VTI1A: variants seen among roughly 807,000 people sequenced by gnomAD.
VTI1A encodes the protein vesicle transport through interaction with t-SNAREs 1A.
VTI1A carries 22 observed loss-of-function variants against 34.9 expected under a neutral mutation model. The observed-to-expected ratio is 0.63, with a 90% CI of 0.45 to 0.90. The LOEUF (loss-of-function observed/expected upper bound fraction) is 0.90, where lower values mean the gene tolerates loss of function less well. Ranked by LOEUF, VTI1A falls within the 40% of genes least tolerant of loss-of-function variation. The pLI, the probability that VTI1A is intolerant of heterozygous loss-of-function variation, is 0.00. For synonymous variants in VTI1A, 87 were observed against 97.3 expected, an observed-to-expected ratio of 0.89 and a Z score of 0.62; for missense variants, 268 against 275.6, an observed-to-expected ratio of 0.97 and a Z score of 0.20.
chr10:112,745,279 G>A (rs537419451), intron 7 of VTI1A, among the ~76,000 whole-genome samples: 4 of 151,802 alleles, frequency 2.6e-5, no homozygotes, highest in Non-Finnish European at 4.4e-5. Flanking sequence ...CTTTGGCTCT[G>A]TGGTTCAGTA....
chr10:112,835,230 C>T, the VTI1A span, among the ~76,000 whole-genome samples: 4 of 152,154 alleles, frequency 2.6e-5, no homozygotes, highest in African/African-American at 9.7e-5. Flanking sequence ...CACGGAGCCC[C>T]AGAATGTCGC....
chr10:112,590,097 C>T (rs1306727126), intron 5 of VTI1A, among the ~76,000 whole-genome samples: 2 of 152,122 alleles, frequency 1.3e-5, no homozygotes, highest in African/African-American at 4.8e-5. Flanking sequence ...ACATGGTTTA[C>T]TCTTCTACCC....
chr10:112,448,334 C>T (rs994406684), intron 1 of VTI1A: 1 of 152,136 alleles, frequency 6.6e-6, no homozygotes, highest in East Asian at 1.9e-4. Flanking sequence ...AATTTCACAT[C>T]TCCCATCTGG....
chr10:112,636,684 G>A (rs1846363383), intron 5 of VTI1A, among the ~76,000 whole-genome samples: 1 of 142,452 alleles, frequency 7.0e-6, no homozygotes, highest in Admixed American at 7.4e-5. Context: ...AGCTGAGATT[G>A]CACCACTGCA....
At chr10:112,659,995 A>T (rs977833489) in intron 5 of VTI1A, among the ~76,000 whole-genome samples, 1 of 152,216 alleles carries the variant, frequency 6.6e-6, no homozygotes, top group Non-Finnish European at 1.5e-5. Context: ...TGGGTTTTTT[A>T]AAACGTTATT....
intron 1 of VTI1A, among the ~76,000 whole-genome samples, chr10:112,452,690 A>AT (rs34299289): frequency 0.3 from 45,648 of 151,254 alleles, 7,032 homozygotes; most frequent in African/African-American, 0.37. Context: ...TTGTCTATAT[A>AT]TTGGTCAATT....
intron 7 of VTI1A, among the ~76,000 whole-genome samples, chr10:112,811,083 A>G (rs1564934665): frequency 6.6e-6 from 1 of 152,194 alleles, no homozygotes; most frequent in Non-Finnish European, 1.5e-5. Flanking sequence ...ACTCAGGGTA[A>G]AAGAGCTTAT....
intron 7 of VTI1A, among the ~76,000 whole-genome samples, chr10:112,686,649 G>T (rs1174725288): frequency 6.6e-6 from 1 of 152,158 alleles, no homozygotes; most frequent in Non-Finnish European, 1.5e-5. Flanking sequence ...AGTGAGGCAG[G>T]ATTTCGGGGG....
intron 5 of VTI1A, among the ~76,000 whole-genome samples, chr10:112,596,134 G>A (rs982517277): frequency 6.7e-6 from 1 of 150,360 alleles, no homozygotes; most frequent in Non-Finnish European, 1.5e-5. Context: ...GACACAGGAA[G>A]GGGAACATCA....
intron 3 of VTI1A, among the ~76,000 whole-genome samples, chr10:112,504,412 A>G (rs924403181): frequency 1.6e-4 from 25 of 152,188 alleles, no homozygotes; most frequent in African/African-American, 5.8e-4. Context: ...CACGAAAGAC[A>G]GCATATGCTA....
chr10:112,652,517 T>C (rs1379274498), intron 5 of VTI1A, among the ~76,000 whole-genome samples: 1 of 151,938 alleles, frequency 6.6e-6, no homozygotes. Context: ...GCCCAGGAGT[T>C]TGAGACCAGC....
intron 5 of VTI1A, among the ~76,000 whole-genome samples, chr10:112,588,781 C>T (rs1317251638): frequency 6.6e-6 from 1 of 152,178 alleles, no homozygotes; most frequent in East Asian, 1.9e-4. Context: ...GTGTTCAACA[C>T]TTTCTCTTTC....
intron 7 of VTI1A, among the ~76,000 whole-genome samples, chr10:112,709,682 C>CCTTTTTTTTTT (rs557189298): frequency 1.4e-5 from 1 of 70,256 alleles, no homozygotes; most frequent in African/African-American, 6.5e-5. Flanking sequence ...CTCTATGTGG[C>CCTTTTTTTTTT]TTTTTTTTTT....
chr10:112,608,540 T>A (rs1330235979), intron 5 of VTI1A, among the ~76,000 whole-genome samples: 1 of 152,174 alleles, frequency 6.6e-6, no homozygotes, highest in Non-Finnish European at 1.5e-5. Flanking sequence ...TGTGGGCAAA[T>A]ATATCTAATC....
intron 7 of VTI1A, among the ~76,000 whole-genome samples, chr10:112,719,453 A>G (rs567389673): frequency 1.3e-5 from 2 of 152,120 alleles, no homozygotes; most frequent in Non-Finnish European, 2.9e-5. Context: ...GATATAATTT[A>G]TATGTTATAT....
intron 7 of VTI1A, among the ~76,000 whole-genome samples, chr10:112,715,319 A>G (rs1849569108): frequency 6.6e-6 from 1 of 152,226 alleles, no homozygotes; most frequent in South Asian, 2.1e-4. Context: ...GAGGAGAGAG[A>G]GAATCCCAAG....
At chr10:112,503,014 A>T (rs111936498) in intron 3 of VTI1A, among the ~76,000 whole-genome samples, 10,463 of 152,180 alleles carry the variant, frequency 0.069, 616 homozygotes, top group East Asian at 0.28. Flanking sequence ...TACATAATAG[A>T]TGTACATATT....
At chr10:112,606,506 T>G (rs1465462938) in intron 5 of VTI1A, among the ~76,000 whole-genome samples, 4 of 152,198 alleles carry the variant, frequency 2.6e-5, no homozygotes, top group Non-Finnish European at 5.9e-5. Context: ...CATAAGACAG[T>G]TATGAGCTGT....
chr10:112,744,136 G>A (rs1332795012), intron 7 of VTI1A, among the ~76,000 whole-genome samples: 1 of 152,054 alleles, frequency 6.6e-6, no homozygotes, highest in Non-Finnish European at 1.5e-5. Context: ...AATTTTATGT[G>A]GGTCAGCCTC....
Sources: gnomAD v4.1 joint callset for allele counts (sites outside exome capture counted in the v4.1 genomes callset) on GRCh38, gnomAD v4.1.1 for gene constraint, MANE v1.5 for transcripts, NCBI Gene and HGNC (gene_info 2026-07-23, HGNC 2026-07-21) for gene names.